Variants in CDH6 observed in about 807,000 individuals in gnomAD.
CDH6 encodes cadherin-6.
Under a neutral mutation model 78.0 loss-of-function variants are expected in CDH6, and 31 were observed. The observed-to-expected ratio is 0.40, with a 90% CI of 0.30 to 0.54. CDH6 has a LOEUF of 0.54. Among genes scored for constraint, CDH6 ranks in the 20% least tolerant of loss-of-function variants. The pLI is 0.56. For synonymous variants in CDH6, 376 were observed against 368.8 expected (o/e 1.02, Z -0.23); for missense variants, 724 against 975.9 (o/e 0.74, Z 3.44).
intron 1 of CDH6, among the ~76,000 whole-genome samples, chr5:31,247,348 G>A (rs1345232444): frequency 6.6e-6 from 1 of 152,200 alleles, no homozygotes; most frequent in African/African-American, 2.4e-5. Flanking sequence ...AAAAGGTTAA[G>A]TAACATGTCC....
chr5:31,230,692 G>T (rs10067942), intron 1 of CDH6, among the ~76,000 whole-genome samples: 7,812 of 152,156 alleles, frequency 0.051, 649 homozygotes, highest in African/African-American at 0.18. Flanking sequence ...GAAACCATCT[G>T]CAGAATAATC....
At chr5:31,204,494 A>G (rs1041916700) in intron 1 of CDH6, among the ~76,000 whole-genome samples, 1 of 152,202 alleles carries the variant, frequency 6.6e-6, no homozygotes, top group African/African-American at 2.4e-5. Context: ...AAAGATTTCT[A>G]TGTGGTGGGC....
intron 11 of CDH6, among the ~76,000 whole-genome samples, chr5:31,319,540 G>A (rs888499361): frequency 3.3e-5 from 5 of 152,178 alleles, no homozygotes; most frequent in African/African-American, 1.2e-4. Context: ...GCCAAGTCAC[G>A]TGTCTAACAC....
chr5:31,304,183 CAA>C (rs113557018), intron 6 of CDH6, among the ~76,000 whole-genome samples: 7 of 145,366 alleles, frequency 4.8e-5, no homozygotes, highest in East Asian at 2.0e-4. Context: ...ACAACAACAA[CAA>C]AAAAAAAAAA....
At position 31,326,817 on chromosome 5, in the gene CDH6, C is replaced by G. The variant is rs1466890959; in HGVS notation, c.*3509C>G. On this transcript the variant is annotated 3_prime_UTR_variant, in exon 12 of 12. Coordinates refer to ENST00000265071, the MANE Select transcript of CDH6 (RefSeq NM_004932.4). ...CGCCATTCTCCTGCCTCAGCGCCCCCAGTAGCTGGGACTACAGGCACACAC... is the reference window on the plus strand; with the variant it reads ...CGCCATTCTCCTGCCTCAGCGCCCCGAGTAGCTGGGACTACAGGCACACAC... 1 of 157,560 alleles carries G rather than the reference C, an allele frequency of 6.3e-6. No homozygotes were observed. The highest frequency in any genetic ancestry group is 1.6e-4 in the East Asian group (1 of 6,196). 9.8% of individuals were successfully genotyped at this position (157,560 alleles called of 1,614,324 possible).
chr5:31,292,207 A>G (rs1024033272), intron 2 of CDH6, among the ~76,000 whole-genome samples: 7 of 152,168 alleles, frequency 4.6e-5, no homozygotes, highest in African/African-American at 1.7e-4. Context: ...TTTTTGGAAA[A>G]CTGGTATGGG....
intron 4 of CDH6, among the ~76,000 whole-genome samples, chr5:31,298,812 C>T (rs960335472): frequency 1.8e-4 from 27 of 152,092 alleles, no homozygotes; most frequent in African/African-American, 6.0e-4. Flanking sequence ...CTAAAGTTCA[C>T]GGTCAGCTTT....
chr5:31,235,524 C>G (rs1234366747), intron 1 of CDH6, among the ~76,000 whole-genome samples: 1 of 152,118 alleles, frequency 6.6e-6, no homozygotes, highest in Non-Finnish European at 1.5e-5. Flanking sequence ...ACAGTGAAAA[C>G]TAAGTACTCA....
intron 1 of CDH6, among the ~76,000 whole-genome samples, chr5:31,230,371 T>A (rs1001152030): frequency 6.6e-6 from 1 of 152,212 alleles, no homozygotes; most frequent in Non-Finnish European, 1.5e-5. Flanking sequence ...TATCTTTTTT[T>A]AAAAGTCTGG....
At chr5:31,236,181 A>C (rs912695641) in intron 1 of CDH6, among the ~76,000 whole-genome samples, 1 of 152,228 alleles carries the variant, frequency 6.6e-6, no homozygotes, top group Non-Finnish European at 1.5e-5. Flanking sequence ...TACATTTTCT[A>C]TATTCAGTTG....
At position 31,267,513 on chromosome 5, in the gene CDH6, G is replaced by A. The variant is rs1742395470; in HGVS notation, c.40G>A (p.Gly14Ser). The A allele has an allele frequency of 5.6e-6, 9 of 1,613,876 alleles. No homozygotes were observed. The highest frequency in any genetic ancestry group is 3.3e-5 in the Admixed American group (2 of 59,980). Residue 14 changes from glycine (G) to serine (S), a missense_variant, in exon 2 of 12, where the codon GGC (glycine) becomes AGC (serine). Gly to Ser is a moderately conservative substitution (Grantham distance 56). This residue lies in a region of CDH6 where 58 missense variants were observed against 50.8 expected (regional missense o/e 1.14). Transcript: ENST00000265071. ...CTACTTCTTGCTGCTCTTTTGGGTG[G>A]GCCAGCCCTACCCAACTCTCTCAAC... ...YRYFLLLFWVGQPYPTLSTPL... is the reference protein window; with the variant it reads ...YRYFLLLFWVSQPYPTLSTPL...
At chr5:31,252,474 G>A (rs774770473) in intron 1 of CDH6, among the ~76,000 whole-genome samples, 4 of 152,070 alleles carry the variant, frequency 2.6e-5, no homozygotes, top group African/African-American at 7.2e-5. Flanking sequence ...CAATAATTTG[G>A]ATGCTCCAAA....
intron 1 of CDH6, among the ~76,000 whole-genome samples, chr5:31,243,609 C>A (rs1484553386): frequency 6.6e-6 from 1 of 152,162 alleles, no homozygotes; most frequent in African/African-American, 2.4e-5. Context: ...TCTTTACTGG[C>A]CCAAGCTTGC....
chr5:31,245,054 T>C (rs916102311), intron 1 of CDH6, among the ~76,000 whole-genome samples: 1 of 152,162 alleles, frequency 6.6e-6, no homozygotes, highest in Non-Finnish European at 1.5e-5. Context: ...GATCTGTGGC[T>C]AGGAGAGAGG....
At chr5:31,199,769 C>G (rs1371072804) in intron 1 of CDH6, among the ~76,000 whole-genome samples, 1 of 143,392 alleles carries the variant, frequency 7.0e-6, no homozygotes, top group African/African-American at 2.5e-5. Flanking sequence ...TTTATACATC[C>G]AAATAATAAT....
intron 2 of CDH6, among the ~76,000 whole-genome samples, chr5:31,278,010 T>TTG (rs1183882611): frequency 4.6e-5 from 7 of 152,072 alleles, no homozygotes; most frequent in Non-Finnish European, 8.8e-5. Flanking sequence ...GTATGTGTAT[T>TTG]TGTGTGTGTG....
chr5:31,265,238 A>G (rs1201711726), intron 1 of CDH6, among the ~76,000 whole-genome samples: 2 of 152,200 alleles, frequency 1.3e-5, no homozygotes, highest in Admixed American at 6.5e-5. Flanking sequence ...TTTATATACC[A>G]TCTATGAGGA....
At chr5:31,278,445 G>C (rs757436383) in intron 2 of CDH6, among the ~76,000 whole-genome samples, 13 of 152,100 alleles carry the variant, frequency 8.5e-5, no homozygotes, top group Non-Finnish European at 1.6e-4. Context: ...CATGAAAGCT[G>C]GTTCCTTTGA....
At chr5:31,199,688 T>A (rs1364050133) in intron 1 of CDH6, among the ~76,000 whole-genome samples, 1 of 119,328 alleles carries the variant, frequency 8.4e-6, no homozygotes, top group Non-Finnish European at 1.7e-5. Flanking sequence ...TGTGTGTGTA[T>A]ATATATATAT....
Sources: gnomAD v4.1 joint callset for allele counts (sites outside exome capture counted in the v4.1 genomes callset) on GRCh38, gnomAD v4.1.1 for gene constraint, gnomAD v4.1.1 regional missense constraint, MANE v1.5 for transcripts, NCBI Gene and HGNC (gene_info 2026-07-23, HGNC 2026-07-21) for gene names.